Variants in NELL1 observed in about 807,000 individuals in gnomAD.
NELL1 encodes the protein protein kinase C-binding protein NELL1.
In NELL1, 76 loss-of-function variants were observed where a neutral mutation model predicts 107.4. The observed-to-expected ratio is 0.71, with a 90% CI of 0.59 to 0.86. The LOEUF (loss-of-function observed/expected upper bound fraction) is 0.86, where lower values mean the gene tolerates loss of function less well. Among genes scored for constraint, NELL1 ranks in the 40% least tolerant of loss-of-function variants. NELL1 has a pLI of 0.00. For missense variants in NELL1, 1,024 were observed against 1,005.5 expected, an observed-to-expected ratio of 1.02 and a Z score of -0.25; for synonymous variants, 353 against 341.2, an observed-to-expected ratio of 1.03 and a Z score of -0.38.
chr11:20,848,534 C>T (rs954533490), intron 4 of NELL1, among the ~76,000 whole-genome samples: 1 of 152,108 alleles, frequency 6.6e-6, no homozygotes, highest in African/African-American at 2.4e-5. Context: ...TGGATAGTGA[C>T]CCGAGTCCAA....
chr11:21,370,966 A>T lies in NELL1; in HGVS notation c.1645+18A>T, dbSNP rs200406602. 16 of 1,571,746 alleles carry T rather than the reference A, an allele frequency of 1.0e-5. No individual in the cohort carries two copies. The Admixed American group carries it at 2.5e-4, about 25-fold the overall frequency. ...CGAGAAAGGTAATCTAGCTTGTTTT[A>T]TGGGGGATAGGGACAAAGATTGGTA... On this transcript the variant is annotated intron_variant, in intron 15 of 19. Coordinates refer to ENST00000357134, the MANE Select transcript of NELL1 (RefSeq NM_006157.5).
chr11:21,023,769 GC>G (rs1261331142), intron 12 of NELL1, among the ~76,000 whole-genome samples: 1 of 152,068 alleles, frequency 6.6e-6, no homozygotes, highest in Non-Finnish European at 1.5e-5. Context: ...GCCCCCACCT[GC>G]ATGTGCACAG....
rs573072319 is a variant in NELL1, at chr11:21,099,279, T to C, written c.1301-14310T>C. Among the ~76,000 whole-genome samples, 225 of 150,098 alleles carry C rather than the reference T, an allele frequency of 1.5e-3. 1 individual carries two copies. The highest frequency in any genetic ancestry group is 5.4e-3 in the African/African-American group (220 of 40,740). ...GATCAGCTGTCATCCCATGGCATAGTCCAAGGAATAGCAGCTGGGCTCAGG... is the reference window on the plus strand; with the variant it reads ...GATCAGCTGTCATCCCATGGCATAGCCCAAGGAATAGCAGCTGGGCTCAGG... On this transcript the variant is annotated intron_variant, in intron 12 of 19. Coordinates refer to ENST00000357134, the MANE Select transcript of NELL1 (RefSeq NM_006157.5).
chr11:20,963,972 T>C (rs1851340775), intron 12 of NELL1, among the ~76,000 whole-genome samples: 1 of 152,124 alleles, frequency 6.6e-6, no homozygotes, highest in Admixed American at 6.6e-5. Flanking sequence ...CTGTAGAGAT[T>C]GTCGTAGAAA....
At chr11:21,561,722 C>G (rs558274647) in intron 17 of NELL1, among the ~76,000 whole-genome samples, 10 of 152,112 alleles carry the variant, frequency 6.6e-5, no homozygotes, top group South Asian at 4.2e-4. Context: ...CTTGACTGAG[C>G]TCAGACTTTC....
chr11:20,769,370 C>T (rs538437850), intron 2 of NELL1: 6 of 152,252 alleles, frequency 3.9e-5, no homozygotes, highest in Non-Finnish European at 4.4e-5. Context: ...AGGCAGAGCA[C>T]GACTGTTTGG....
At chr11:20,902,187 A>G (rs571053064) in intron 5 of NELL1, among the ~76,000 whole-genome samples, 1 of 152,198 alleles carries the variant, frequency 6.6e-6, no homozygotes, top group East Asian at 1.9e-4. Flanking sequence ...AAATTCTAAA[A>G]AGTGTGACAA....
intron 12 of NELL1, among the ~76,000 whole-genome samples, chr11:20,964,262 C>G (rs558420711): frequency 6.6e-6 from 1 of 151,940 alleles, no homozygotes; most frequent in Non-Finnish European, 1.5e-5. Flanking sequence ...GCAATAGGGG[C>G]CCTACTCATG....
intron 12 of NELL1, among the ~76,000 whole-genome samples, chr11:21,106,981 T>C (rs1014674899): frequency 6.6e-6 from 1 of 152,162 alleles, no homozygotes; most frequent in Non-Finnish European, 1.5e-5. Flanking sequence ...TGTGCCTCGA[T>C]GTTTTTATTG....
At chr11:21,286,195 G>T (rs1849110923) in intron 14 of NELL1, among the ~76,000 whole-genome samples, 1 of 152,136 alleles carries the variant, frequency 6.6e-6, no homozygotes, top group Non-Finnish European at 1.5e-5. Context: ...ATAAAGTCAG[G>T]GCCAGGATTT....
Position 20,936,322 on chromosome 11 carries a change from C to T in NELL1, c.998-1464C>T, listed in dbSNP as rs555726191. ...CTTAGATCTCCATTCAGGGGAGAGC[C>T]GTTAGTTGCCAACTGTCACAGCAGT... On this transcript the variant is annotated intron_variant, in intron 9 of 19. Coordinates refer to ENST00000357134, the MANE Select transcript of NELL1 (RefSeq NM_006157.5). Among the ~76,000 whole-genome samples the T allele has an allele frequency of 5.3e-5, 8 of 152,240 alleles. No homozygotes were observed. The South Asian group carries it at 1.0e-3, about 20-fold the overall frequency.
intron 3 of NELL1, among the ~76,000 whole-genome samples, chr11:20,788,342 T>C (rs1896937): frequency 0.018 from 2,681 of 152,360 alleles, 29 homozygotes; most frequent in South Asian, 0.033. Context: ...GTTTCGATTT[T>C]TCCACATCCT....
chr11:21,473,004 TATA>T, intron 15 of NELL1, among the ~76,000 whole-genome samples: 1 of 152,058 alleles, frequency 6.6e-6, no homozygotes, highest in African/African-American at 2.4e-5. Context: ...AAGCTATTTT[TATA>T]ATATTAGGGG....
intron 15 of NELL1, chr11:21,383,802 T>G (rs1851671662): frequency 6.6e-6 from 1 of 151,676 alleles, no homozygotes; most frequent in South Asian, 2.1e-4. Flanking sequence ...AAAATGCTTT[T>G]TTTACAATAC....
chr11:21,566,990 T>G (rs1482988102), intron 17 of NELL1, among the ~76,000 whole-genome samples: 2 of 151,880 alleles, frequency 1.3e-5, no homozygotes, highest in Non-Finnish European at 2.9e-5. Flanking sequence ...GCTATCCATT[T>G]ATTCTTATTC....
chr11:21,068,014 C>G (rs981445621), intron 12 of NELL1, among the ~76,000 whole-genome samples: 10 of 102,926 alleles, frequency 9.7e-5, no homozygotes, highest in Non-Finnish European at 8.6e-5. Context: ...GCCTGGGCAA[C>G]AGAGTGAGAT....
At chr11:20,684,441 G>GT (rs748774157) in intron 2 of NELL1, among the ~76,000 whole-genome samples, 48 of 151,814 alleles carry the variant, frequency 3.2e-4, no homozygotes, top group Non-Finnish European at 6.2e-4. Context: ...CTTTAACTCT[G>GT]TAAGTTCAGT....
At chr11:21,004,787 C>T (rs769812309) in intron 12 of NELL1, among the ~76,000 whole-genome samples, 2 of 151,960 alleles carry the variant, frequency 1.3e-5, no homozygotes, top group South Asian at 4.1e-4. Flanking sequence ...ATTAAAAAAT[C>T]GTGTGTCCAA....
At chr11:20,744,544 T>C (rs1519725) in intron 2 of NELL1, among the ~76,000 whole-genome samples, 78,919 of 151,876 alleles carry the variant, frequency 0.52, 23,680 homozygotes, top group Middle Eastern at 0.73. Context: ...TTTAAGTTGT[T>C]GGGCTTGGCT....
Sources: gnomAD v4.1 joint callset for allele counts (sites outside exome capture counted in the v4.1 genomes callset) on GRCh38, gnomAD v4.1.1 for gene constraint, MANE v1.5 for transcripts, NCBI Gene and HGNC (gene_info 2026-07-23, HGNC 2026-07-21) for gene names.